Variants in CCDC150 observed in about 807,000 individuals in gnomAD.
CCDC150 encodes the protein coiled-coil domain-containing protein 150.
In CCDC150, 151 loss-of-function variants were observed where a neutral mutation model predicts 156.5. The observed-to-expected ratio is 0.97, with a 90% CI of 0.85 to 1.10. The LOEUF (loss-of-function observed/expected upper bound fraction) is 1.10. Among genes scored for constraint, CCDC150 ranks in the 50% least tolerant of loss-of-function variants. CCDC150 has a pLI of 0.00. For missense variants in CCDC150, 1,312 were observed against 1,268.1 expected (o/e 1.03, Z -0.53); for synonymous variants, 452 against 429.4 (o/e 1.05, Z -0.65).
At chr2:196,695,265 T>C (rs1695749620) in intron 14 of CCDC150, 106 bp downstream of exon 14, 1 of 574,198 alleles carries the variant, frequency 1.7e-6, no homozygotes, top group Admixed American at 3.4e-5. Flanking sequence ...TTCATAATTA[T>C]TAAAAATCTA....
chr2:196,641,845 C>T (rs939447428), intron 1 of CCDC150, among the ~76,000 whole-genome samples: 1 of 152,202 alleles, frequency 6.6e-6, no homozygotes, highest in Non-Finnish European at 1.5e-5. Flanking sequence ...ACAGCATGTA[C>T]TTGTATACGC....
At position 196,713,051 on chromosome 2, in the gene CCDC150, C is replaced by A. The variant is rs2292943; in HGVS notation, c.1866+312C>A. The A allele has an allele frequency of 2.8e-3, 1,331 of 469,876 alleles. 33 individuals are homozygous for A. The East Asian group carries it at 0.038, about 14-fold the overall frequency. The allele number at this position is 469,876 out of a possible 1,614,324, so 29.1% of individuals were successfully genotyped here. On this transcript the variant is annotated intron_variant, in intron 17 of 27. Coordinates refer to ENST00000389175, the MANE Select transcript of CCDC150 (RefSeq NM_001080539.2). Reference sequence around the variant, plus strand: ...TAACCAAGGAACTAAAATATGTTTTCAAATGGAATACTCATAGAGTTCTAA... The same window carrying A: ...TAACCAAGGAACTAAAATATGTTTTAAAATGGAATACTCATAGAGTTCTAA...
chr2:196,722,178 C>T (rs954010220), intron 21 of CCDC150, among the ~76,000 whole-genome samples: 3 of 152,164 alleles, frequency 2.0e-5, no homozygotes, highest in Non-Finnish European at 2.9e-5. Flanking sequence ...AAAGTTTTGC[C>T]TTAAATTATA....
rs747217639 is a variant in CCDC150, at chr2:196,685,681, G to A, written c.1509+8320G>A. 1.3e-3 allele frequency among the ~76,000 whole-genome samples: 198 copies of A among 150,636 alleles called. 1 individual carries two copies. Among genetic ancestry groups the A allele is most frequent in the East Asian group, 7.8e-4 (4 of 5,122 alleles). ...GGCTGGAGTGCAGCGGTGCCATCTCGGCTCACTGCAAGCTCCACCTCCCGG... is the reference window on the plus strand; with the variant it reads ...GGCTGGAGTGCAGCGGTGCCATCTCAGCTCACTGCAAGCTCCACCTCCCGG... On this transcript the variant is annotated intron_variant, in intron 13 of 27. Transcript: ENST00000389175.
intron 17 of CCDC150, chr2:196,713,348 T>A: frequency 2.8e-6 from 4 of 1,451,902 alleles, no homozygotes; most frequent in Non-Finnish European, 3.6e-6. Flanking sequence ...TTTTTATTAA[T>A]AATTGACGAT....
intron 7 of CCDC150, among the ~76,000 whole-genome samples, chr2:196,668,146 A>C (rs1693962519): frequency 6.6e-6 from 1 of 152,086 alleles, no homozygotes; most frequent in Admixed American, 6.6e-5. Flanking sequence ...AAAATACAAA[A>C]AATTAGCCAA....
At chr2:196,695,191 T>C (rs1241945305) in intron 14 of CCDC150, 32 bp downstream of exon 14, 11 of 1,158,360 alleles carry the variant, frequency 9.5e-6, no homozygotes, top group Non-Finnish European at 1.3e-5. Context: ...TAAATAGCAA[T>C]TAATGACTAA....
chr2:196,714,499 T>C (rs1697363136), intron 17 of CCDC150, among the ~76,000 whole-genome samples: 2 of 151,914 alleles, frequency 1.3e-5, no homozygotes, highest in Non-Finnish European at 2.9e-5. Flanking sequence ...GATCCTTTGC[T>C]ACTTGCTGGG....
At chr2:196,656,071 C>A (rs1693169876) in intron 2 of CCDC150, among the ~76,000 whole-genome samples, 1 of 152,132 alleles carries the variant, frequency 6.6e-6, no homozygotes, top group Admixed American at 6.5e-5. Context: ...CTACCCTGAT[C>A]CTGGGGTATG....
At chr2:196,668,106 G>A (rs1288185813) in intron 7 of CCDC150, among the ~76,000 whole-genome samples, 1 of 152,072 alleles carries the variant, frequency 6.6e-6, no homozygotes, top group Non-Finnish European at 1.5e-5. Context: ...AGACCATCCT[G>A]GCTAACACGG....
At chr2:196,712,307 T>A in intron 16 of CCDC150, 55 bp downstream of exon 16, 1 of 960,688 alleles carries the variant, frequency 1.0e-6, no homozygotes, top group Non-Finnish European at 1.6e-6. Flanking sequence ...TTTAAGAAAT[T>A]GTTTGATGTC....
At chr2:196,702,076 A>G (rs1274426357) in intron 15 of CCDC150, among the ~76,000 whole-genome samples, 6 of 152,172 alleles carry the variant, frequency 3.9e-5, no homozygotes, top group African/African-American at 1.4e-4. Context: ...CAAAAATTAA[A>G]TAAATAAAAA....
chr2:196,687,354 A>C (rs956348849), intron 13 of CCDC150, among the ~76,000 whole-genome samples: 1 of 152,054 alleles, frequency 6.6e-6, no homozygotes, highest in African/African-American at 2.4e-5. Context: ...TTTGATTTAC[A>C]TTTCTCTGAT....
chr2:196,654,807 G>A (rs962900442), intron 2 of CCDC150, among the ~76,000 whole-genome samples: 13 of 152,054 alleles, frequency 8.5e-5, no homozygotes, highest in East Asian at 1.9e-4. Flanking sequence ...TTAACTCGCC[G>A]TGTTGGTTTC....
chr2:196,692,294 C>G (rs1317104651), intron 13 of CCDC150, among the ~76,000 whole-genome samples: 1 of 150,846 alleles, frequency 6.6e-6, no homozygotes, highest in Non-Finnish European at 1.5e-5. Context: ...GCCACCGCGC[C>G]CGGCTAATTT....
At chr2:196,681,041 C>T (rs1300393122) in intron 13 of CCDC150, among the ~76,000 whole-genome samples, 2 of 152,134 alleles carry the variant, frequency 1.3e-5, no homozygotes, top group African/African-American at 4.8e-5. Context: ...GCCACCACTG[C>T]CTCTGTCTAG....
chr2:196,697,690 A>G (rs1012739391), intron 14 of CCDC150, among the ~76,000 whole-genome samples: 6 of 152,240 alleles, frequency 3.9e-5, no homozygotes, highest in Non-Finnish European at 5.9e-5. Context: ...AAAAATTCAA[A>G]ATAATAAAAA....
chr2:196,709,176 A>G (rs985112687), intron 15 of CCDC150, among the ~76,000 whole-genome samples: 1 of 152,086 alleles, frequency 6.6e-6, no homozygotes, highest in African/African-American at 2.4e-5. Context: ...ACATAGTCCC[A>G]TATTTCTTGG....
At chr2:196,724,047 T>C (rs1698075374) in intron 21 of CCDC150, among the ~76,000 whole-genome samples, 1 of 152,150 alleles carries the variant, frequency 6.6e-6, no homozygotes, top group South Asian at 2.1e-4. Context: ...AAAGATGAGG[T>C]TGGACATTTC....
Sources: gnomAD v4.1 joint callset for allele counts (sites outside exome capture counted in the v4.1 genomes callset) on GRCh38, gnomAD v4.1.1 for gene constraint, MANE v1.5 for transcripts, NCBI Gene and HGNC (gene_info 2026-07-23, HGNC 2026-07-21) for gene names.